The following CATSPERE variants were observed in gnomAD, a reference collection of about 807,000 sequenced individuals.
CATSPERE encodes catsper channel auxiliary subunit epsilon, also known as cation channel sperm-associated auxiliary subunit epsilon.
In CATSPERE, 93 loss-of-function variants were observed where a neutral mutation model predicts 114.1. The observed-to-expected ratio is 0.81, with a 90% CI of 0.69 to 0.97. The LOEUF (loss-of-function observed/expected upper bound fraction) is 0.97. Among genes scored for constraint, CATSPERE ranks in the 50% least tolerant of loss-of-function variants. The pLI is 0.00. For missense variants in CATSPERE, 1,058 were observed against 1,131.6 expected (o/e 0.93, Z 0.93); for synonymous variants, 341 against 384.1 (o/e 0.89, Z 1.31).
chr1:244,491,161 C>G (rs964176200), intron 6 of CATSPERE, among the ~76,000 whole-genome samples: 33 of 152,068 alleles, frequency 2.2e-4, no homozygotes, highest in African/African-American at 7.7e-4. Context: ...AGCACCACAC[C>G]ACACCTATTC....
At chr1:244,585,455 G>A (rs887464523) in intron 13 of CATSPERE, among the ~76,000 whole-genome samples, 12 of 152,194 alleles carry the variant, frequency 7.9e-5, no homozygotes, top group Non-Finnish European at 1.8e-4. Context: ...AGATGCGGTA[G>A]CCCTTTCAGG....
intron 8 of CATSPERE, among the ~76,000 whole-genome samples, chr1:244,529,981 C>G (rs962352267): frequency 6.6e-6 from 1 of 152,084 alleles, no homozygotes; most frequent in African/African-American, 2.4e-5. Flanking sequence ...GAGTTTCACT[C>G]TTGTCACCCA....
At chr1:244,491,318 A>C (rs1672111758) in intron 6 of CATSPERE, among the ~76,000 whole-genome samples, 1 of 152,230 alleles carries the variant, frequency 6.6e-6, no homozygotes, top group East Asian at 1.9e-4. Flanking sequence ...CTACATGGAA[A>C]CTGAACAACC....
chr1:244,589,397 T>C (rs1014699590), intron 14 of CATSPERE, among the ~76,000 whole-genome samples: 1 of 152,250 alleles, frequency 6.6e-6, no homozygotes. Context: ...TCATTCAGCA[T>C]TTCCTAAATT....
chr1:244,528,491 A>C (rs546424558), intron 8 of CATSPERE, among the ~76,000 whole-genome samples: 2 of 152,086 alleles, frequency 1.3e-5, no homozygotes, highest in South Asian at 4.1e-4. Flanking sequence ...TAGTTTTTTT[A>C]AATTTTTAAA....
intron 5 of CATSPERE, among the ~76,000 whole-genome samples, chr1:244,487,850 T>A (rs1671342130): frequency 6.6e-6 from 1 of 152,024 alleles, no homozygotes; most frequent in East Asian, 1.9e-4. Context: ...CTTCATTGTC[T>A]CATCACACTT....
chr1:244,520,814 G>A (rs187717418), intron 8 of CATSPERE, among the ~76,000 whole-genome samples: 2 of 152,224 alleles, frequency 1.3e-5, no homozygotes, highest in African/African-American at 2.4e-5. Flanking sequence ...AATATAAATC[G>A]TCAAAATTGA....
In CATSPERE at chr1:244,530,809, ATTGT is replaced by A. The variant is rs534495968; in HGVS notation, c.536+12115_536+12118del. Among the ~76,000 whole-genome samples the A allele has an allele frequency of 1.9e-3, 296 of 151,958 alleles. 3 individuals are homozygous for A. Among genetic ancestry groups the A allele is most frequent in the African/African-American group, 6.9e-3 (286 of 41,448 alleles). On this transcript the variant is annotated intron_variant, in intron 8 of 21. Coordinates refer to ENST00000366534, the MANE Select transcript of CATSPERE (RefSeq NM_001130957.2). ...GATTACTTTTTTATTTCTTTTTCAG[ATTGT>A]TTGCTCTTGGCATATAGAAATGCTA...
chr1:244,594,027 A>G (rs1276978559), intron 17 of CATSPERE, among the ~76,000 whole-genome samples: 1 of 152,240 alleles, frequency 6.6e-6, no homozygotes, highest in Non-Finnish European at 1.5e-5. Context: ...CAATTCTTAT[A>G]GACAATATTT....
At chr1:244,467,353 G>A (rs1335485213) in intron 2 of CATSPERE, among the ~76,000 whole-genome samples, 2 of 152,122 alleles carry the variant, frequency 1.3e-5, no homozygotes, top group African/African-American at 2.4e-5. Flanking sequence ...AAAAAAGGAT[G>A]TACAAATGAC....
In CATSPERE at chr1:244,561,132, T is replaced by C; in HGVS notation, c.1494T>C (p.His498=). The C allele has an allele frequency of 6.3e-7, 1 of 1,591,698 alleles. No individual in the cohort carries two copies. Among genetic ancestry groups the C allele is most frequent in the Non-Finnish European group, 8.6e-7 (1 of 1,162,140 alleles). Residue 498 remains histidine, a synonymous_variant, in exon 10 of 22, where the codon CAT becomes CAC. Coordinates refer to ENST00000366534, the MANE Select transcript of CATSPERE (RefSeq NM_001130957.2). ...LSMLSNDSII[H]EVFIDYYGDI... ...TGCTATCAAATGACAGCATTATTCA[T>C]GAAGTTTTCATAGGTAAGGCATTCT... is the stretch of plus-strand genomic sequence containing the variant.
intron 20 of CATSPERE, among the ~76,000 whole-genome samples, chr1:244,630,795 C>G (rs1217813448): frequency 6.6e-6 from 1 of 151,982 alleles, no homozygotes; most frequent in East Asian, 1.9e-4. Context: ...CGCATCTGAT[C>G]AATTCACTCC....
intron 6 of CATSPERE, among the ~76,000 whole-genome samples, chr1:244,497,215 G>T (rs1458806183): frequency 6.6e-6 from 1 of 152,110 alleles, no homozygotes; most frequent in African/African-American, 2.4e-5. Context: ...AGCAAACCAA[G>T]CTATATGATA....
intron 6 of CATSPERE, among the ~76,000 whole-genome samples, chr1:244,490,881 T>C (rs567886981): frequency 5.1e-4 from 78 of 152,188 alleles, no homozygotes; most frequent in African/African-American, 1.9e-3. Flanking sequence ...TTTACCATAG[T>C]CTTGAAAAAA....
chr1:244,461,607 A>T (rs1389048020), intron 1 of CATSPERE, 113 bp downstream of exon 1: 2 of 813,412 alleles, frequency 2.5e-6, no homozygotes, highest in Non-Finnish European at 3.3e-6. Flanking sequence ...GCCCTGGCCG[A>T]CCACTGCCTC....
At chr1:244,578,736 CATAT>C in intron 11 of CATSPERE, among the ~76,000 whole-genome samples, 1 of 146,932 alleles carries the variant, frequency 6.8e-6, no homozygotes, top group African/African-American at 2.5e-5. Context: ...TATACACACA[CATAT>C]ATATATATAC....
At chr1:244,488,533 T>C (rs1055219687) in intron 5 of CATSPERE, among the ~76,000 whole-genome samples, 14 of 152,360 alleles carry the variant, frequency 9.2e-5, no homozygotes, top group Admixed American at 5.9e-4. Flanking sequence ...GCTGCTAATA[T>C]TGTCTTTCCA....
At chr1:244,499,283 A>C (rs1278419831) in intron 7 of CATSPERE, among the ~76,000 whole-genome samples, 1 of 151,188 alleles carries the variant, frequency 6.6e-6, no homozygotes, top group Non-Finnish European at 1.5e-5. Context: ...TTTCTTTAGA[A>C]CTCTAATTGA....
chr1:244,599,429 A>T (rs550655777), intron 17 of CATSPERE, among the ~76,000 whole-genome samples: 1 of 152,066 alleles, frequency 6.6e-6, no homozygotes, highest in South Asian at 2.1e-4. Flanking sequence ...TCTCTCTCTC[A>T]TACACCCTAC....
Sources: gnomAD v4.1 joint callset for allele counts (sites outside exome capture counted in the v4.1 genomes callset) on GRCh38, gnomAD v4.1.1 for gene constraint, MANE v1.5 for transcripts, NCBI Gene and HGNC (gene_info 2026-07-23, HGNC 2026-07-21) for gene names.